Variants in PCID2 observed in about 807,000 individuals in gnomAD.
The protein encoded by PCID2 is PCI domain containing 2, also known as PCI domain-containing protein 2.
A neutral mutation model predicts 61.3 loss-of-function variants in PCID2; 41 were observed. The ratio of observed to expected loss-of-function variants is 0.67; its 90% CI spans 0.52 to 0.87. PCID2 has a LOEUF of 0.87. PCID2 is among the 40% of genes least tolerant of loss of function. The probability of loss-of-function intolerance (pLI) is 0.00; values close to 1 mark genes in which losing one functional copy is unlikely to be tolerated. For missense variants in PCID2, 392 were observed against 493.4 expected (o/e 0.79, Z 1.95); for synonymous variants, 187 against 177.8 (o/e 1.05, Z -0.41).
chr13:113,196,193 T>C lies in PCID2; in HGVS notation c.296A>G (p.Lys99Arg), dbSNP rs1437558733. 1 of 1,606,000 alleles carries C rather than the reference T, an allele frequency of 6.2e-7. No individual in the cohort carries two copies. The highest frequency in any genetic ancestry group is 1.7e-5 in the Admixed American group (1 of 59,988). ...QSFLRAFQAH[K>R]EENWALPVMY... ...TGTTCACACTTACCAGTTTTCTTCTTTGTGGGCCTGGAATGCTCGCAAGAA... is the reference window on the plus strand; with the variant it reads ...TGTTCACACTTACCAGTTTTCTTCTCTGTGGGCCTGGAATGCTCGCAAGAA... Residue 99 changes from lysine to arginine, a missense_variant, in exon 5 of 14, where the codon AAA becomes AGA. Transcript: ENST00000337344.
chr13:113,169,445 G>C, the PCID2 span, among the ~76,000 whole-genome samples: 23 of 152,114 alleles, frequency 1.5e-4, no homozygotes, highest in African/African-American at 5.5e-4. Context: ...TCTCATTATG[G>C]GTCACATTTT....
chr13:113,174,916 G>A (rs2037164708), downstream of PCID2, among the ~76,000 whole-genome samples: 1 of 152,226 alleles, frequency 6.6e-6, no homozygotes, highest in African/African-American at 2.4e-5. Context: ...TGCCATGCTG[G>A]ACACAGGCCT....
the PCID2 span, among the ~76,000 whole-genome samples, chr13:113,169,924 G>A: frequency 6.6e-6 from 1 of 152,188 alleles, no homozygotes; most frequent in African/African-American, 2.4e-5. Flanking sequence ...TGTTCTGCAG[G>A]ACTCTGTTCT....
chr13:113,202,364 T>C (rs996922512), intron 1 of PCID2, among the ~76,000 whole-genome samples: 4 of 152,188 alleles, frequency 2.6e-5, no homozygotes, highest in Non-Finnish European at 5.9e-5. Flanking sequence ...CAACTACACA[T>C]GCATTTACAT....
chr13:113,165,033 T>C, the PCID2 span: 1 of 1,612,996 alleles, frequency 6.2e-7, no homozygotes, highest in Non-Finnish European at 8.5e-7. Flanking sequence ...TTTATTCTCA[T>C]GTTGCTGCCG....
At chr13:113,191,987 T>C (rs1595212068) in intron 6 of PCID2, among the ~76,000 whole-genome samples, 1 of 152,218 alleles carries the variant, frequency 6.6e-6, no homozygotes, top group Non-Finnish European at 1.5e-5. Context: ...CCAAGCACAG[T>C]GGTTCACACC....
intron 1 of PCID2, among the ~76,000 whole-genome samples, chr13:113,207,803 A>G (rs1476798263): frequency 1.3e-5 from 2 of 152,198 alleles, no homozygotes; most frequent in Non-Finnish European, 2.9e-5. Flanking sequence ...CCAGATTACA[A>G]GCCTGGGAAT....
At chr13:113,166,375 C>T in the PCID2 span, 1 of 152,168 alleles carries the variant, frequency 6.6e-6, no homozygotes, top group Non-Finnish European at 1.5e-5. Flanking sequence ...CACAATGCTC[C>T]GTACCCGAGT....
intron 1 of PCID2, 79 bp from the exon 2 acceptor site, chr13:113,200,595 C>T (rs891598263): frequency 1.3e-5 from 12 of 898,124 alleles, no homozygotes; most frequent in Non-Finnish European, 2.2e-5. Context: ...ACACTGAATG[C>T]CACACAGGGG....
chr13:113,196,165 T>C lies in PCID2; in HGVS notation c.308+16A>G. 2 of 1,597,496 alleles carry C rather than the reference T, an allele frequency of 1.3e-6. No individual in the cohort carries two copies. The highest frequency in any genetic ancestry group is 1.7e-6 in the Non-Finnish European group (2 of 1,166,534). ...AATTGCCATTTGCTAATTCAGCTGTTTCTGTTCACACTTACCAGTTTTCTT... is the reference window on the plus strand; with the variant it reads ...AATTGCCATTTGCTAATTCAGCTGTCTCTGTTCACACTTACCAGTTTTCTT... On this transcript the variant is annotated intron_variant, in intron 5 of 13. Coordinates refer to ENST00000337344, the MANE Select transcript of PCID2 (RefSeq NM_001127202.4).
chr13:113,168,001 C>CT, the PCID2 span, among the ~76,000 whole-genome samples: 1 of 152,214 alleles, frequency 6.6e-6, no homozygotes, highest in Non-Finnish European at 1.5e-5. Flanking sequence ...GTCCACTCCA[C>CT]TTTCGCCGAC....
chr13:113,182,780 G>A (rs1046246372), intron 9 of PCID2, among the ~76,000 whole-genome samples: 3 of 152,068 alleles, frequency 2.0e-5, no homozygotes, highest in African/African-American at 7.2e-5. Flanking sequence ...GAGCCACCGC[G>A]CCCGGCCAAA....
chr13:113,178,928 G>T, intron 13 of PCID2, 38 bp downstream of exon 13: 1 of 1,587,946 alleles, frequency 6.3e-7, no homozygotes, highest in Non-Finnish European at 8.6e-7. Context: ...GAATCTTGCT[G>T]TGAGTAGCTG....
chr13:113,191,013 A>G, intron 6 of PCID2, 38 bp from the exon 7 acceptor site: 1 of 1,492,408 alleles, frequency 6.7e-7, no homozygotes, highest in East Asian at 2.3e-5. Context: ...ATTTTTCCGA[A>G]GCAAGATCTT....
downstream of PCID2, among the ~76,000 whole-genome samples, chr13:113,175,185 G>A (rs116689095): frequency 2.0e-3 from 308 of 152,160 alleles, 1 homozygote; most frequent in African/African-American, 7.0e-3. Context: ...ACCCAGTCTC[G>A]GGCAGTTCTT....
chr13:113,193,218 T>C (rs1288372364), intron 6 of PCID2, among the ~76,000 whole-genome samples: 2 of 152,046 alleles, frequency 1.3e-5, no homozygotes, highest in African/African-American at 4.8e-5. Flanking sequence ...TGGATTTCAG[T>C]GTAAAGGTAG....
intron 9 of PCID2, chr13:113,183,619 C>T: frequency 4.0e-6 from 1 of 250,332 alleles, no homozygotes; most frequent in Non-Finnish European, 6.3e-6. Context: ...TCTTGCATTG[C>T]CTAAAGTTAT....
In PCID2 at chr13:113,179,427, C is replaced by T. The variant is rs746487560; in HGVS notation, c.987-338G>A. On this transcript the variant is annotated intron_variant, in intron 12 of 13. Transcript: ENST00000337344. The surrounding 1 kb of genome is among the most constrained non-coding windows in gnomAD (Gnocchi z 4.3). ...GAAATAGGGTCCCTACTGTTTGTGA[C>T]GTGCTACCCACAGCTCTATACAAAG... Among the ~76,000 whole-genome samples the T allele has an allele frequency of 6.6e-6, 1 of 152,002 alleles. No individual in the cohort carries two copies. The highest frequency in any genetic ancestry group is 6.6e-5 in the Admixed American group (1 of 15,264).
intron 1 of PCID2, chr13:113,200,788 C>G (rs529464125): frequency 1.8e-5 from 5 of 279,762 alleles, no homozygotes; most frequent in South Asian, 1.3e-4. Context: ...ACAATAATTT[C>G]ATTTCAAAAT....
Sources: allele counts gnomAD v4.1 joint callset (sites outside exome capture counted in the v4.1 genomes callset), GRCh38; gene constraint gnomAD v4.1.1; non-coding constraint Gnocchi (gnomAD v3.1); transcripts MANE v1.5; gene names NCBI Gene and HGNC (gene_info 2026-07-23, HGNC 2026-07-21).